Variants in LRRC49 observed in about 807,000 individuals in gnomAD.
LRRC49 encodes leucine rich repeat containing 49.
In LRRC49, 50 loss-of-function variants were observed where a neutral mutation model predicts 83.3. The ratio of observed to expected loss-of-function variants is 0.60; its 90% CI spans 0.48 to 0.76. The LOEUF (loss-of-function observed/expected upper bound fraction) is 0.76, where lower values mean the gene tolerates loss of function less well. Ranked by LOEUF, LRRC49 falls within the 30% of genes least tolerant of loss-of-function variation. The pLI is 0.00. For missense variants in LRRC49, 704 were observed against 809.1 expected, an observed-to-expected ratio of 0.87 and a Z score of 1.58; for synonymous variants, 286 against 283.3, an observed-to-expected ratio of 1.01 and a Z score of -0.10.
intron 14 of LRRC49, among the ~76,000 whole-genome samples, chr15:71,026,365 T>C (rs192102631): frequency 3.7e-4 from 56 of 152,306 alleles, no homozygotes; most frequent in African/African-American, 1.3e-3. Flanking sequence ...TAAATAGTGC[T>C]GCAATAAACA....
chr15:70,942,810 G>T (rs957536795), intron 8 of LRRC49, among the ~76,000 whole-genome samples: 4 of 152,076 alleles, frequency 2.6e-5, no homozygotes, highest in African/African-American at 7.2e-5. Flanking sequence ...AACTCGAAGT[G>T]GGGGGAGAAA....
chr15:70,859,693 G>A (rs2032739701), intron 1 of LRRC49: 26 of 673,020 alleles, frequency 3.9e-5, no homozygotes, highest in South Asian at 3.6e-4. Context: ...TCAAAGGCCA[G>A]ATGGCTTCCC....
At chr15:70,980,295 G>C (rs1435433196) in intron 10 of LRRC49, 111 bp downstream of exon 10, 2 of 657,374 alleles carry the variant, frequency 3.0e-6, no homozygotes, top group Non-Finnish European at 5.0e-6. Context: ...TAAGTTTTTT[G>C]TTCCTATCAA....
intron 2 of LRRC49, among the ~76,000 whole-genome samples, chr15:70,884,004 A>C (rs920184893): frequency 9.2e-5 from 14 of 152,254 alleles, no homozygotes; most frequent in Non-Finnish European, 1.8e-4. Context: ...GGTAGAAAGA[A>C]GGAGGGTTTT....
intron 2 of LRRC49, chr15:70,873,320 C>T: frequency 7.7e-7 from 1 of 1,291,274 alleles, no homozygotes. Context: ...AAAATACTAA[C>T]TAAAGCTATT....
At chr15:70,905,066 A>G (rs1442781429) in intron 5 of LRRC49, among the ~76,000 whole-genome samples, 2 of 152,262 alleles carry the variant, frequency 1.3e-5, no homozygotes, top group East Asian at 1.9e-4. Context: ...AGACATGTGT[A>G]TTCACTTTAG....
intron 1 of LRRC49, among the ~76,000 whole-genome samples, chr15:70,854,473 G>T (rs1489938812): frequency 1.3e-5 from 2 of 152,230 alleles, no homozygotes; most frequent in Non-Finnish European, 2.9e-5. Context: ...GGCGCCGCAG[G>T]GATGGGCGCA....
At chr15:71,024,127 C>T (rs2039082722) in intron 14 of LRRC49, among the ~76,000 whole-genome samples, 1 of 152,206 alleles carries the variant, frequency 6.6e-6, no homozygotes, top group African/African-American at 2.4e-5. Flanking sequence ...GGACTGAGCC[C>T]CTGAGGGGCA....
rs560396132 is a variant in LRRC49 at position 70,876,115 on chromosome 15, A to T, written c.18+2892A>T. Reference sequence around the variant, plus strand: ...TAATGAAGACTTTAAGTGCCACAGGAAGTCTAAAAACTCTCCTTTAGGGAT... The same window carrying T: ...TAATGAAGACTTTAAGTGCCACAGGTAGTCTAAAAACTCTCCTTTAGGGAT... On this transcript the variant is annotated intron_variant, in intron 2 of 16. Transcript: ENST00000544974. Among the ~76,000 whole-genome samples the T allele has an allele frequency of 1.1e-4, 17 of 152,268 alleles. No homozygotes were observed. In the East Asian group the frequency reaches 3.1e-3, roughly 28 times the overall value.
intron 14 of LRRC49, among the ~76,000 whole-genome samples, chr15:71,013,829 AC>A (rs1472558854): frequency 2.6e-5 from 4 of 152,282 alleles, no homozygotes; most frequent in African/African-American, 7.2e-5. Context: ...CACAAAGGAA[AC>A]TGCCTCCTTG....
At chr15:71,026,844 C>T (rs548773171) in intron 14 of LRRC49, among the ~76,000 whole-genome samples, 1 of 152,152 alleles carries the variant, frequency 6.6e-6, no homozygotes, top group South Asian at 2.1e-4. Context: ...GGATATTAGA[C>T]CTTTGTCAGA....
At chr15:70,866,159 TA>T (rs2032906716) in intron 1 of LRRC49, among the ~76,000 whole-genome samples, 1 of 149,378 alleles carries the variant, frequency 6.7e-6, no homozygotes. Context: ...TTTATTTATT[TA>T]TTTTTGAGAT....
chr15:70,899,851 C>T (rs2033996505), intron 3 of LRRC49, among the ~76,000 whole-genome samples: 1 of 152,096 alleles, frequency 6.6e-6, no homozygotes, highest in African/African-American at 2.4e-5. Flanking sequence ...TTAGTGCTCC[C>T]TTCAGGCATT....
intron 9 of LRRC49, among the ~76,000 whole-genome samples, chr15:70,977,578 G>A (rs2037250627): frequency 6.6e-6 from 1 of 152,102 alleles, no homozygotes; most frequent in African/African-American, 2.4e-5. Flanking sequence ...CCAGGAGGCG[G>A]AGGTTGCAGT....
chr15:70,854,083 G>C, intron 1 of LRRC49: 1 of 1,319,412 alleles, frequency 7.6e-7, no homozygotes, highest in Non-Finnish European at 9.7e-7. Context: ...CGCCGGACTG[G>C]GCCATGGCTC....
intron 13 of LRRC49, 71 bp from the exon 14 acceptor site, chr15:71,012,733 G>A: frequency 1.2e-6 from 1 of 812,430 alleles, no homozygotes; most frequent in East Asian, 2.5e-5. Flanking sequence ...ATCTCTCTTT[G>A]GGATTATATC....
In LRRC49 at chr15:70,858,723, G is replaced by A. The variant is rs549449521; in HGVS notation, c.-299+5254G>A. 9.4e-6 allele frequency: 10 copies of A among 1,067,242 alleles called. No individual in the cohort carries two copies. The East Asian group carries it at 1.9e-4, about 21-fold the overall frequency. 66.1% of individuals were successfully genotyped at this position (1,067,242 alleles called of 1,614,324 possible). A position where few individuals can be genotyped will look rare whatever the true frequency, so the allele number is the denominator to read the frequency against. On this transcript the variant is annotated intron_variant, in intron 1 of 16. Transcript: ENST00000544974. ...ACTCCTGCCTCCACCATGTCCATCA[G>A]GGTGACCCAGAAGTCCTACAAGATG...
chr15:70,978,913 T>C (rs2037302934), intron 9 of LRRC49, among the ~76,000 whole-genome samples: 1 of 152,170 alleles, frequency 6.6e-6, no homozygotes, highest in Non-Finnish European at 1.5e-5. Flanking sequence ...TAAATCTCCC[T>C]TTGTTGAATT....
At chr15:70,976,214 C>T (rs1170514479) in intron 9 of LRRC49, among the ~76,000 whole-genome samples, 4 of 152,112 alleles carry the variant, frequency 2.6e-5, no homozygotes, top group Admixed American at 6.5e-5. Flanking sequence ...AGCTAATATC[C>T]CTGGACCAGA....
Sources: gnomAD v4.1 joint callset for allele counts (sites outside exome capture counted in the v4.1 genomes callset) on GRCh38, gnomAD v4.1.1 for gene constraint, MANE v1.5 for transcripts, NCBI Gene and HGNC (gene_info 2026-07-23, HGNC 2026-07-21) for gene names.